Variants in PALM2AKAP2 observed in about 807,000 individuals in gnomAD.
The protein encoded by PALM2AKAP2 is PALM2 and AKAP2 fusion.
Under a neutral mutation model 71.5 loss-of-function variants are expected in PALM2AKAP2, and 37 were observed. The observed-to-expected ratio is 0.52, with a 90% CI of 0.40 to 0.68. PALM2AKAP2 has a LOEUF of 0.68. Among genes scored for constraint, PALM2AKAP2 ranks in the 30% least tolerant of loss-of-function variants. The pLI is 0.00. For missense variants in PALM2AKAP2, 1,224 were observed against 1,191.8 expected (o/e 1.03, Z -0.40); for synonymous variants, 468 against 478.8 (o/e 0.98, Z 0.29).
chr9:109,726,421 G>C (rs1330720009), intron 1 of PALM2AKAP2, among the ~76,000 whole-genome samples: 2 of 152,216 alleles, frequency 1.3e-5, no homozygotes, highest in African/African-American at 2.4e-5. Flanking sequence ...TTCAGTGGTG[G>C]GGCTGTTGTG....
intron 1 of PALM2AKAP2, among the ~76,000 whole-genome samples, chr9:109,647,530 G>A (rs10739281): frequency 0.63 from 96,131 of 152,090 alleles, 30,873 homozygotes; most frequent in African/African-American, 0.74. Flanking sequence ...GGTGCCTCCG[G>A]AAGTATTGTA....
In PALM2AKAP2 at chr9:109,893,857, A is replaced by T. The variant is rs1029275415; in HGVS notation, c.257+13176A>T. On this transcript the variant is annotated intron_variant, in intron 3 of 9. Coordinates refer to the PALM2AKAP2 transcript ENST00000302798. ...CGAGGGGGCTGCGGGGAGAGAGATC[A>T]TCAGGAAGAGTAGCTAACACTTAGG... 9.8e-5 allele frequency among the ~76,000 whole-genome samples: 15 copies of T among 152,294 alleles called. No individual in the cohort carries two copies. The South Asian group carries it at 1.5e-3, about 15-fold the overall frequency.
intron 1 of PALM2AKAP2, among the ~76,000 whole-genome samples, chr9:110,062,617 GT>G (rs1403288127): frequency 7.2e-5 from 11 of 152,312 alleles, no homozygotes; most frequent in Non-Finnish European, 1.6e-4. Flanking sequence ...AATGTGCTAG[GT>G]TGTGGGAAGT....
At chr9:109,892,491 A>G (rs1157974288) in intron 3 of PALM2AKAP2, among the ~76,000 whole-genome samples, 1 of 152,220 alleles carries the variant, frequency 6.6e-6, no homozygotes, top group African/African-American at 2.4e-5. Flanking sequence ...TTCTAGGGCC[A>G]TCATTCAGTG....
intron 1 of PALM2AKAP2, among the ~76,000 whole-genome samples, chr9:109,797,336 A>G (rs1255449254): frequency 6.6e-6 from 1 of 152,214 alleles, no homozygotes; most frequent in African/African-American, 2.4e-5. Flanking sequence ...TTTTGAATGG[A>G]AACAGTTGCT....
rs148935197 is a variant in PALM2AKAP2, at chr9:109,687,431, C to T, written c.5+46565C>T. Among the ~76,000 whole-genome samples, 180 of 152,346 alleles carry T rather than the reference C, an allele frequency of 1.2e-3. 1 individual carries two copies. Among genetic ancestry groups the T allele is most frequent in the African/African-American group, 4.1e-3 (169 of 41,582 alleles). On this transcript the variant is annotated intron_variant, in intron 1 of 6. Transcript: ENST00000374531. ...TCTGGATTATTTGCTGAAGCTTCTACAAGAGCACTTGCTACTTTGTCTTGC... is the reference window on the plus strand; with the variant it reads ...TCTGGATTATTTGCTGAAGCTTCTATAAGAGCACTTGCTACTTTGTCTTGC...
Position 110,136,333 on chromosome 9 carries a change from C to T in PALM2AKAP2, c.363C>T (p.Pro121=), listed in dbSNP as rs2119100244. The change falls in exon 2 of 4, where the codon CCC becomes CCT. Residue 121 remains proline, a synonymous_variant. Transcript: ENST00000374525. ...ACCATCCCTCCGCTTTCTATTCACC[C>T]CCGCATAATGGCCTCCTTACTGATC... is the stretch of plus-strand genomic sequence containing the variant. 2.5e-6 allele frequency: 4 copies of T among 1,614,162 alleles called. No homozygotes were observed. The East Asian group carries it at 6.7e-5, about 27-fold the overall frequency.
At position 109,893,442 on chromosome 9, in the gene PALM2AKAP2, C is replaced by T. The variant is rs192319035; in HGVS notation, c.257+12761C>T. 3.4e-4 allele frequency among the ~76,000 whole-genome samples: 51 copies of T among 151,384 alleles called. 1 individual carries two copies. The South Asian group carries it at 4.0e-3, about 12-fold the overall frequency. ...GCTAGAGTTATCTCAGCAGGGGTTT[C>T]GTTTTGTTTTGTTTTGTTTTTGAGA... On this transcript the variant is annotated intron_variant, in intron 3 of 9. Coordinates refer to the PALM2AKAP2 transcript ENST00000302798.
chr9:109,726,780 C>G (rs1172999987), intron 1 of PALM2AKAP2, among the ~76,000 whole-genome samples: 3 of 152,150 alleles, frequency 2.0e-5, no homozygotes, highest in African/African-American at 7.2e-5. Flanking sequence ...AATACAATAG[C>G]TACTAGGCAT....
chr9:109,867,162 CTCTGTGTGTG>C lies in PALM2AKAP2; in HGVS notation c.46-327_46-318del. 1.0e-5 allele frequency: 4 copies of C among 381,448 alleles called. No homozygotes were observed. In the East Asian group the frequency reaches 3.2e-4, roughly 31 times the overall value. 23.6% of individuals were successfully genotyped at this position (381,448 alleles called of 1,614,324 possible). Reference sequence around the variant, plus strand: ...AATTAACACTGCACAGAACATGGTTCTCTGTGTGTGTGTGTGTGTGTGTGTGTGTGTGTGT... The same window carrying C: ...AATTAACACTGCACAGAACATGGTTCTGTGTGTGTGTGTGTGTGTGTGTGT... On this transcript the variant is annotated intron_variant, in intron 1 of 9. Transcript: ENST00000302798.
In PALM2AKAP2 at chr9:109,929,174, T is replaced by G. The variant is rs565617531; in HGVS notation, c.395-2753T>G. Among the ~76,000 whole-genome samples the G allele has an allele frequency of 3.4e-3, 506 of 148,520 alleles. 5 individuals carry two copies. The highest frequency in any genetic ancestry group is 0.012 in the African/African-American group (488 of 40,672). ...AAATTCCCTGTCTGTAAGTAGTTTT[T>G]TTTTTTTTGTTTCTTTTTTAAACTG... On this transcript the variant is annotated intron_variant, in intron 5 of 9. Transcript: ENST00000302798.
At chr9:110,001,643 T>C (rs191875663) in intron 6 of PALM2AKAP2, among the ~76,000 whole-genome samples, 65 of 152,344 alleles carry the variant, frequency 4.3e-4, no homozygotes, top group Non-Finnish European at 8.2e-4. Context: ...TTCCTACCCA[T>C]GAGCATGGAA....
intron 1 of PALM2AKAP2, among the ~76,000 whole-genome samples, chr9:110,049,651 A>G (rs1833670663): frequency 6.6e-6 from 1 of 151,902 alleles, no homozygotes; most frequent in African/African-American, 2.4e-5. Context: ...CGTGGGGGAG[A>G]GCACTGGGCA....
chr9:110,138,353 G>A lies in PALM2AKAP2; in HGVS notation c.2383G>A (p.Val795Ile), dbSNP rs575100870. The change falls in exon 2 of 4, where the codon GTT (valine) becomes ATT (isoleucine). Residue 795 changes from valine to isoleucine, a missense_variant. Physicochemically the swap from Val to Ile is conservative, Grantham distance 29. Coordinates refer to ENST00000374525, the Ensembl canonical transcript of PALM2AKAP2. ...GGCCACTCAAGAATCTGACGTGATG[G>A]TTGGGCCTTTCAAGCTGAGGTCCAG... The A allele has an allele frequency of 1.1e-5, 18 of 1,614,230 alleles. No homozygotes were observed. The South Asian group carries it at 2.0e-4, about 18-fold the overall frequency.
intron 3 of PALM2AKAP2, among the ~76,000 whole-genome samples, chr9:109,896,049 G>T (rs929512240): frequency 6.6e-6 from 1 of 152,134 alleles, no homozygotes; most frequent in Admixed American, 6.5e-5. Context: ...GCTGGGCATG[G>T]TGGCAGGCAC....
chr9:110,119,211 TG>T (rs1341632377), intron 1 of PALM2AKAP2, among the ~76,000 whole-genome samples: 11 of 151,514 alleles, frequency 7.3e-5, no homozygotes, highest in African/African-American at 2.7e-4. Context: ...GGTGTGGTGG[TG>T]GGCGCCTGTA....
In PALM2AKAP2 at chr9:109,671,560, T is replaced by A. The variant is rs185818687; in HGVS notation, c.5+30694T>A. Among the ~76,000 whole-genome samples, 102 of 152,246 alleles carry A rather than the reference T, an allele frequency of 6.7e-4. 1 individual carries two copies. The highest frequency in any genetic ancestry group is 8.8e-5 in the Non-Finnish European group (6 of 67,980). On this transcript the variant is annotated intron_variant, in intron 1 of 6. Transcript: ENST00000374531. ...GTGATGCCTACAGCTTTGTTCTTTT[T>A]GCTTATGATTGCCTTGGCATTTTTG...
intron 6 of PALM2AKAP2, among the ~76,000 whole-genome samples, chr9:109,965,175 T>C (rs1397218855): frequency 6.6e-6 from 1 of 152,238 alleles, no homozygotes. Context: ...CTCTTTTTCC[T>C]ATGAAGTGGG....
chr9:109,651,550 T>C (rs940459435), intron 1 of PALM2AKAP2, among the ~76,000 whole-genome samples: 3 of 152,206 alleles, frequency 2.0e-5, no homozygotes, highest in Non-Finnish European at 2.9e-5. Context: ...TCACACAGCA[T>C]GTGAGGATAG....
Sources: gnomAD v4.1 joint callset for allele counts (sites outside exome capture counted in the v4.1 genomes callset) on GRCh38, gnomAD v4.1.1 for gene constraint, MANE v1.5 for transcripts, NCBI Gene and HGNC (gene_info 2026-07-23, HGNC 2026-07-21) for gene names.